BCAS3: variants seen among roughly 807,000 people sequenced by gnomAD.
BCAS3 encodes BCAS3 microtubule associated cell migration factor.
A neutral mutation model predicts 116.1 loss-of-function variants in BCAS3; 53 were observed. The ratio of observed to expected loss-of-function variants is 0.46; its 90% CI spans 0.37 to 0.57. The LOEUF is 0.57. Ranked by LOEUF, BCAS3 falls within the 20% of genes least tolerant of loss-of-function variation. The probability of loss-of-function intolerance (pLI) is 0.00; values close to 1 mark genes in which losing one functional copy is unlikely to be tolerated. For missense variants in BCAS3, 917 were observed against 1,165.4 expected, an observed-to-expected ratio of 0.79 and a Z score of 3.10; for synonymous variants, 391 against 408.2, an observed-to-expected ratio of 0.96 and a Z score of 0.51.
At chr17:60,756,339 C>A (rs2042982335) in intron 6 of BCAS3, among the ~76,000 whole-genome samples, 1 of 152,180 alleles carries the variant, frequency 6.6e-6, no homozygotes, top group Non-Finnish European at 1.5e-5. Flanking sequence ...TGAACTGGTA[C>A]CAGTCTGCGG....
chr17:61,187,043 G>A (rs2079823154), intron 22 of BCAS3, among the ~76,000 whole-genome samples: 1 of 152,108 alleles, frequency 6.6e-6, no homozygotes, highest in South Asian at 2.1e-4. Flanking sequence ...AATGTTTTAT[G>A]CAGTACACAT....
chr17:61,054,341 C>T (rs1034859971), intron 19 of BCAS3, among the ~76,000 whole-genome samples: 2 of 152,176 alleles, frequency 1.3e-5, no homozygotes, highest in African/African-American at 2.4e-5. Context: ...GTGTGCGTGT[C>T]GTACCACCAT....
At chr17:60,761,491 A>T (rs1043917437) in intron 6 of BCAS3, among the ~76,000 whole-genome samples, 1 of 152,094 alleles carries the variant, frequency 6.6e-6, no homozygotes, top group African/African-American at 2.4e-5. Context: ...TTTGCTCAGA[A>T]TGATGGTTTC....
rs557124782 is a variant in BCAS3 at position 61,012,584 on chromosome 17, A to G, written c.1487-3167A>G. On this transcript the variant is annotated intron_variant, in intron 15 of 23. Transcript: ENST00000407086. This position sits in a 1 kb window ranked among gnomAD's most constrained non-coding sequence, Gnocchi z 4.5. ...TTATAAGTTGCTAGCCATATCCATT[A>G]ATATGTAAGACAGACACCACCCCTA... 3.9e-5 allele frequency among the ~76,000 whole-genome samples: 6 copies of G among 152,166 alleles called. No individual in the cohort carries two copies. Among genetic ancestry groups the G allele is most frequent in the African/African-American group, 1.4e-4 (6 of 41,560 alleles).
chr17:61,152,921 C>T (rs1464307434), intron 22 of BCAS3, among the ~76,000 whole-genome samples: 1 of 152,142 alleles, frequency 6.6e-6, no homozygotes, highest in African/African-American at 2.4e-5. Flanking sequence ...TTTTGTACTG[C>T]CTGAACTGGG....
chr17:60,756,641 A>G (rs2043013789), intron 6 of BCAS3, among the ~76,000 whole-genome samples: 1 of 152,154 alleles, frequency 6.6e-6, no homozygotes, highest in African/African-American at 2.4e-5. Flanking sequence ...TTCATTCTGT[A>G]TATATACCAC....
chr17:61,246,301 C>T (rs563600226), intron 22 of BCAS3, among the ~76,000 whole-genome samples: 3 of 151,536 alleles, frequency 2.0e-5, no homozygotes, highest in South Asian at 2.1e-4. Flanking sequence ...GGCAACATGA[C>T]GAAACCCCAT....
intron 6 of BCAS3, among the ~76,000 whole-genome samples, chr17:60,764,206 T>C (rs1179547544): frequency 6.6e-6 from 1 of 151,972 alleles, no homozygotes; most frequent in African/African-American, 2.4e-5. Context: ...TCAATTCTGC[T>C]CTGATCTTAG....
At position 61,037,401 on chromosome 17, in the gene BCAS3, TATC is replaced by T. The variant is rs1466867631; in HGVS notation, c.1763-485_1763-483del. Among the ~76,000 whole-genome samples the T allele has an allele frequency of 1.1e-4, 17 of 152,232 alleles. No homozygotes were observed. The highest frequency in any genetic ancestry group is 1.1e-3 in the Admixed American group (17 of 15,286). On this transcript the variant is annotated intron_variant, in intron 17 of 23. Coordinates refer to ENST00000407086, the MANE Select transcript of BCAS3 (RefSeq NM_017679.5). The surrounding 1 kb of genome is among the most constrained non-coding windows in gnomAD (Gnocchi z 4.7). ...TTGCTTAAGATTGAAAATACTCTGA[TATC>T]ATAGACATTTTCATATTCACTAGCA...
chr17:61,160,183 G>T (rs200187695), intron 22 of BCAS3, among the ~76,000 whole-genome samples: 3 of 146,360 alleles, frequency 2.0e-5, no homozygotes, highest in Non-Finnish European at 4.5e-5. Context: ...AAGCAGGGTG[G>T]TTTTTTTTTT....
In BCAS3 at chr17:60,860,769, T is replaced by A. The variant is rs548005409; in HGVS notation, c.477-7807T>A. Among the ~76,000 whole-genome samples the A allele has an allele frequency of 3.3e-5, 5 of 152,306 alleles. No homozygotes were observed. The South Asian group carries it at 8.3e-4, about 25-fold the overall frequency. Reference sequence around the variant, plus strand: ...GGAGTTTTTTCCCTATTGTTTGTTATCATCAACTTTGTCAAAGATTAGATG... The same window carrying A: ...GGAGTTTTTTCCCTATTGTTTGTTAACATCAACTTTGTCAAAGATTAGATG... On this transcript the variant is annotated intron_variant, in intron 7 of 23. Coordinates refer to ENST00000407086, the MANE Select transcript of BCAS3 (RefSeq NM_017679.5).
Position 61,332,146 on chromosome 17 carries a change from G to A in BCAS3, c.2426-36181G>A, listed in dbSNP as rs536991257. ...CCGCCGGGCTCTGGAGCTGGGCCAC[G>A]GGCTCCTCTCTCTGGAAAGGCTCTG... On this transcript the variant is annotated intron_variant, in intron 22 of 23. Coordinates refer to ENST00000407086, the MANE Select transcript of BCAS3 (RefSeq NM_017679.5). The surrounding 1 kb of genome is among the most constrained non-coding windows in gnomAD (Gnocchi z 5.4). Among the ~76,000 whole-genome samples the A allele has an allele frequency of 7.9e-5, 12 of 152,286 alleles. No homozygotes were observed. Among genetic ancestry groups the A allele is most frequent in the African/African-American group, 1.7e-4 (7 of 41,564 alleles).
At chr17:60,870,915 A>G (rs1567754980) in intron 8 of BCAS3, among the ~76,000 whole-genome samples, 2 of 152,202 alleles carry the variant, frequency 1.3e-5, no homozygotes, top group African/African-American at 4.8e-5. Context: ...AATTCAATTT[A>G]TTTTATATTT....
Position 61,222,255 on chromosome 17 carries a change from T to C in BCAS3, c.2425+137691T>C, listed in dbSNP as rs1388507652. The stretch of plus-strand genomic sequence containing the variant: ...GCTTAAACCTTTGAAAGAAAGGGCC[T>C]CCATAGGCTTGTCAAACCATAGACT... On this transcript the variant is annotated intron_variant, in intron 22 of 23. Coordinates refer to ENST00000407086, the MANE Select transcript of BCAS3 (RefSeq NM_017679.5). The surrounding 1 kb of genome is among the most constrained non-coding windows in gnomAD (Gnocchi z 6.1). Among the ~76,000 whole-genome samples, 1 of 152,214 alleles carries C rather than the reference T, an allele frequency of 6.6e-6. No individual in the cohort carries two copies. The highest frequency in any genetic ancestry group is 1.5e-5 in the Non-Finnish European group (1 of 68,038).
At chr17:60,985,141 CTTTTTTTTTTTT>C (rs560277871) in intron 14 of BCAS3, among the ~76,000 whole-genome samples, 2 of 120,358 alleles carry the variant, frequency 1.7e-5, no homozygotes, top group Non-Finnish European at 3.3e-5. Flanking sequence ...CAACTGTATT[CTTTTTTTTTTTT>C]TTTTTTTTTG....
At position 61,038,040 on chromosome 17, in the gene BCAS3, C is replaced by T. The variant is rs2067180967; in HGVS notation, c.1914C>T (p.Ser638=). 6.2e-7 allele frequency: 1 copy of T among 1,613,838 alleles called. No individual in the cohort carries two copies. Among genetic ancestry groups the T allele is most frequent in the African/African-American group, 1.3e-5 (1 of 74,928 alleles). ...PLEMMTSPRA[S]WTLVRTPQWN... ...AAATGATGACATCGCCTCGAGCCAG[C>T]TGGACTCTGGTTAGGTAGTACCTCT... Residue 638 remains serine (S), a synonymous_variant, in exon 18 of 24, where the codon AGC becomes AGT. Coordinates refer to ENST00000407086, the MANE Select transcript of BCAS3 (RefSeq NM_017679.5).
At chr17:61,334,204 A>G (rs1053526302) in intron 22 of BCAS3, among the ~76,000 whole-genome samples, 1 of 152,182 alleles carries the variant, frequency 6.6e-6, no homozygotes, top group Non-Finnish European at 1.5e-5. Flanking sequence ...AACACAGATG[A>G]GAGAGGGAGG....
At chr17:61,373,177 G>A (rs546625319) in intron 23 of BCAS3, among the ~76,000 whole-genome samples, 76 of 146,554 alleles carry the variant, frequency 5.2e-4, no homozygotes, top group Non-Finnish European at 7.4e-4. Flanking sequence ...TGCAACCTCC[G>A]TCTCTGGGTT....
Position 61,378,885 on chromosome 17 carries a change from T to C in BCAS3, c.2593+10391T>C, listed in dbSNP as rs2059464516. On this transcript the variant is annotated intron_variant, in intron 23 of 23. Transcript: ENST00000407086. The surrounding 1 kb of genome is among the most constrained non-coding windows in gnomAD (Gnocchi z 5.8). ...CAGGGGCAGAGCTGTAATGGGAGTT[T>C]GGGCTGAGACTCTCCTCTGCATATT... 1 of 152,286 alleles carries C rather than the reference T, an allele frequency of 6.6e-6. No individual in the cohort carries two copies. Among genetic ancestry groups the C allele is most frequent in the African/African-American group, 2.4e-5 (1 of 41,472 alleles). 9.4% of individuals were successfully genotyped at this position (152,286 alleles called of 1,614,324 possible). A position where few individuals can be genotyped will look rare whatever the true frequency, so the allele number is the denominator to read the frequency against.
Sources: allele counts gnomAD v4.1 joint callset (sites outside exome capture counted in the v4.1 genomes callset), GRCh38; gene constraint gnomAD v4.1.1; non-coding constraint Gnocchi (gnomAD v3.1); transcripts MANE v1.5; gene names NCBI Gene and HGNC (gene_info 2026-07-23, HGNC 2026-07-21).